CCDC30: variants seen among roughly 807,000 people sequenced by gnomAD.
CCDC30 encodes coiled-coil domain containing 30.
A neutral mutation model predicts 100.2 loss-of-function variants in CCDC30; 70 were observed. That is an observed-to-expected ratio of 0.70 (90% CI 0.58 to 0.85). The LOEUF is 0.85. CCDC30 is among the 40% of genes least tolerant of loss of function. The pLI, the probability that CCDC30 is intolerant of heterozygous loss-of-function variation, is 0.00. For missense variants in CCDC30, 652 were observed against 771.2 expected (o/e 0.85, Z 1.83); for synonymous variants, 233 against 269.5 (o/e 0.86, Z 1.33).
rs986566138 is a variant in CCDC30 at position 42,637,518 on chromosome 1, A to G, written c.1419+140A>G. 1.2e-5 allele frequency: 9 copies of G among 766,458 alleles called. No individual in the cohort carries two copies. The East Asian group carries it at 1.4e-4, about 11-fold the overall frequency. The allele number at this position is 766,458 out of a possible 1,614,324, so 47.5% of individuals were successfully genotyped here. The stretch of plus-strand genomic sequence containing the variant: ...TTTCTTTTCTTTGCACCATCTTTCA[A>G]TAAGTAATTCTTTAAGCCCTGACCA... On this transcript the variant is annotated intron_variant, in intron 12 of 16. Coordinates refer to ENST00000668663, the Ensembl canonical transcript of CCDC30.
chr1:42,553,759 G>A (rs1002966136), intron 6 of CCDC30, among the ~76,000 whole-genome samples: 1 of 151,734 alleles, frequency 6.6e-6, no homozygotes, highest in Non-Finnish European at 1.5e-5. Flanking sequence ...GAAAAGGAAA[G>A]GGATTTATAA....
chr1:42,556,186 A>T, intron 6 of CCDC30: 2 of 1,612,618 alleles, frequency 1.2e-6, no homozygotes, highest in East Asian at 4.5e-5. Flanking sequence ...AGCAGAAGGA[A>T]ATTCCAGAGG....
exon 12 of CCDC30, chr1:42,637,358 C>G: frequency 1.2e-6 from 2 of 1,603,642 alleles, no homozygotes; most frequent in Non-Finnish European, 1.7e-6. Context: ...AATTGGAATC[C>G]TGCAACATAA....
chr1:42,500,507 G>A (rs756233046), intron 6 of CCDC30, among the ~76,000 whole-genome samples: 5 of 151,606 alleles, frequency 3.3e-5, no homozygotes, highest in South Asian at 4.2e-4. Context: ...TCCGCCTCCC[G>A]GGTTCACACC....
At chr1:42,644,855 G>C in intron 14 of CCDC30, 48 bp downstream of exon 18, 3 of 1,194,558 alleles carry the variant, frequency 2.5e-6, no homozygotes, top group Non-Finnish European at 3.8e-6. Context: ...TGAAGTTCGG[G>C]TTGCTACGGC....
At chr1:42,553,193 GT>G (rs1053948768) in intron 6 of CCDC30, among the ~76,000 whole-genome samples, 3 of 151,132 alleles carry the variant, frequency 2.0e-5, no homozygotes, top group Admixed American at 6.6e-5. Context: ...GGACTTTTTT[GT>G]TTTTTTTTTG....
At chr1:42,560,325 ACT>A (rs200805690) in intron 6 of CCDC30, among the ~76,000 whole-genome samples, 2,468 of 151,020 alleles carry the variant, frequency 0.016, 39 homozygotes, top group Non-Finnish European at 0.023. Context: ...GACATGAAAA[ACT>A]CTCTAAAAAT....
intron 11 of CCDC30, among the ~76,000 whole-genome samples, chr1:42,635,466 T>C (rs1557479256): frequency 1.3e-5 from 2 of 152,314 alleles, no homozygotes; most frequent in Middle Eastern, 3.4e-3. Flanking sequence ...TGTGGACATA[T>C]GTTTTCATTT....
chr1:42,618,794 T>C (rs1646775620), intron 11 of CCDC30, among the ~76,000 whole-genome samples: 1 of 152,174 alleles, frequency 6.6e-6, no homozygotes, highest in East Asian at 1.9e-4. Context: ...CTTATCCACA[T>C]AGTTCAAAAT....
At chr1:42,606,883 T>TA (rs1646512982) in intron 10 of CCDC30, among the ~76,000 whole-genome samples, 1 of 152,186 alleles carries the variant, frequency 6.6e-6, no homozygotes, top group African/African-American at 2.4e-5. Flanking sequence ...AGGACCGTTA[T>TA]AAAAAAAGAA....
chr1:42,593,882 C>T (rs572689836), intron 10 of CCDC30: 7 of 152,286 alleles, frequency 4.6e-5, no homozygotes, highest in African/African-American at 1.4e-4. Context: ...TCCCTGCTAG[C>T]AGGGAAGTCT....
At chr1:42,627,331 G>T (rs1324088022) in intron 11 of CCDC30, among the ~76,000 whole-genome samples, 1 of 152,036 alleles carries the variant, frequency 6.6e-6, no homozygotes, top group Non-Finnish European at 1.5e-5. Flanking sequence ...ACGTGACTTG[G>T]GTGCTGTTAA....
chr1:42,562,530 C>A (rs937721193), intron 6 of CCDC30, among the ~76,000 whole-genome samples: 1 of 152,136 alleles, frequency 6.6e-6, no homozygotes, highest in Admixed American at 6.5e-5. Flanking sequence ...CAATACTATT[C>A]AGGACATAGC....
At position 42,511,060 on chromosome 1, in the gene CCDC30, G is replaced by A. The variant is rs556659179; in HGVS notation, c.456+12144G>A. Among the ~76,000 whole-genome samples, 15 of 152,182 alleles carry A rather than the reference G, an allele frequency of 9.9e-5. No homozygotes were observed. In the East Asian group the frequency reaches 1.4e-3, roughly 14 times the overall value. On this transcript the variant is annotated intron_variant, in intron 6 of 16. Coordinates refer to ENST00000668663, the Ensembl canonical transcript of CCDC30. ...TTAGAAAGAGAAGCGAGAAAAAGGC[G>A]TCCCTTTAATCCTATTCCTTTCAGT...
intron 6 of CCDC30, among the ~76,000 whole-genome samples, chr1:42,509,487 A>C (rs1354696054): frequency 6.6e-6 from 1 of 152,108 alleles, no homozygotes; most frequent in Non-Finnish European, 1.5e-5. Flanking sequence ...TGAGACCCCC[A>C]CCCAGGAACT....
intron 11 of CCDC30, among the ~76,000 whole-genome samples, chr1:42,633,477 C>T (rs944099834): frequency 2.0e-5 from 3 of 152,180 alleles, no homozygotes; most frequent in African/African-American, 7.2e-5. Flanking sequence ...CTAAGGGCCT[C>T]CAGACACCAG....
intron 6 of CCDC30, among the ~76,000 whole-genome samples, chr1:42,529,094 C>T (rs531777601): frequency 1.3e-5 from 2 of 152,282 alleles, no homozygotes; most frequent in East Asian, 3.9e-4. Context: ...TCACTTACAT[C>T]ATCCCACATA....
intron 6 of CCDC30, among the ~76,000 whole-genome samples, chr1:42,507,218 T>A (rs2148486875): frequency 6.6e-6 from 1 of 152,314 alleles, no homozygotes; most frequent in South Asian, 2.1e-4. Flanking sequence ...TGAGCCACCG[T>A]GCCCAGCCTC....
At chr1:42,508,383 G>A (rs1426554950) in intron 6 of CCDC30, among the ~76,000 whole-genome samples, 2 of 152,122 alleles carry the variant, frequency 1.3e-5, no homozygotes, top group Non-Finnish European at 1.5e-5. Context: ...AATTTGGGGT[G>A]GGGATGTTTC....
Sources: allele counts gnomAD v4.1 joint callset (sites outside exome capture counted in the v4.1 genomes callset), GRCh38; gene constraint gnomAD v4.1.1; transcripts MANE v1.5; gene names NCBI Gene and HGNC (gene_info 2026-07-23, HGNC 2026-07-21).